MEIS2: variants seen among roughly 807,000 people sequenced by gnomAD.
The protein encoded by MEIS2 is Meis homeobox 2.
A neutral mutation model predicts 58.6 loss-of-function variants in MEIS2; 9 were observed. The ratio of observed to expected loss-of-function variants is 0.15; its 90% CI spans 0.09 to 0.27. The LOEUF (loss-of-function observed/expected upper bound fraction) is 0.27. Among genes scored for constraint, MEIS2 ranks in the 10% least tolerant of loss-of-function variants. MEIS2 has a pLI of 1.00. For missense variants in MEIS2, 427 were observed against 635.0 expected (o/e 0.67, Z 3.52); for synonymous variants, 221 against 228.4 (o/e 0.97, Z 0.29).
rs994423443 is a variant in MEIS2, at chr15:36,891,872, C to T, written c.*301G>A. 10 of 409,052 alleles carry T rather than the reference C, an allele frequency of 2.4e-5. No homozygotes were observed. Among genetic ancestry groups the T allele is most frequent in the African/African-American group, 1.3e-4 (6 of 47,632 alleles). 25.3% of individuals were successfully genotyped at this position (409,052 alleles called of 1,614,324 possible). A position where few individuals can be genotyped will look rare whatever the true frequency, so the allele number is the denominator to read the frequency against. ...TCTAAAACTATTTGAGGCAACATAA[C>T]GGCGTGATCAACAGAAATGTACAAG... On this transcript the variant is annotated 3_prime_UTR_variant, in exon 12 of 12. Transcript: ENST00000561208.
intron 9 of MEIS2, among the ~76,000 whole-genome samples, chr15:36,936,086 T>A (rs2058159055): frequency 6.6e-6 from 1 of 151,874 alleles, no homozygotes; most frequent in Non-Finnish European, 1.5e-5. Context: ...ATTCGATAAG[T>A]ATTAGGTGAG....
At chr15:36,963,316 T>G (rs892988429) in intron 8 of MEIS2, among the ~76,000 whole-genome samples, 7 of 151,408 alleles carry the variant, frequency 4.6e-5, no homozygotes, top group Non-Finnish European at 8.8e-5. Flanking sequence ...GGACGCAGAG[T>G]TTGCAGTGAG....
At chr15:37,060,553 T>C (rs930355781) in intron 7 of MEIS2, among the ~76,000 whole-genome samples, 1 of 152,056 alleles carries the variant, frequency 6.6e-6, no homozygotes, top group Non-Finnish European at 1.5e-5. Context: ...ATACGTTTCA[T>C]GGGGTGTTTG....
At chr15:37,002,469 A>C (rs369343327) in intron 8 of MEIS2, among the ~76,000 whole-genome samples, 128 of 152,272 alleles carry the variant, frequency 8.4e-4, no homozygotes, top group African/African-American at 2.7e-3. Context: ...ACATGTGTTT[A>C]AATTTCTTGA....
intron 8 of MEIS2, among the ~76,000 whole-genome samples, chr15:37,026,228 A>C (rs976149157): frequency 6.6e-6 from 1 of 152,186 alleles, no homozygotes; most frequent in Non-Finnish European, 1.5e-5. Context: ...TCTAGCATTC[A>C]TCTTTTCTAT....
At chr15:36,940,440 T>C (rs937225899) in intron 9 of MEIS2, among the ~76,000 whole-genome samples, 1 of 152,122 alleles carries the variant, frequency 6.6e-6, no homozygotes, top group African/African-American at 2.4e-5. Context: ...CCATTAAAAA[T>C]AGAATCCAGG....
intron 9 of MEIS2, among the ~76,000 whole-genome samples, chr15:36,912,824 C>G (rs764270278): frequency 2.2e-4 from 32 of 144,556 alleles, no homozygotes; most frequent in Admixed American, 2.8e-4. Flanking sequence ...ACTCACCCCC[C>G]ACTCCTGAAA....
intron 3 of MEIS2, 30 bp downstream of exon 3, chr15:37,096,259 C>G: frequency 6.4e-7 from 1 of 1,562,744 alleles, no homozygotes; most frequent in South Asian, 1.2e-5. Flanking sequence ...GAGGGACTGC[C>G]CGAAGTTGAG....
At chr15:37,068,060 T>G (rs540391362) in intron 7 of MEIS2, among the ~76,000 whole-genome samples, 87 of 152,250 alleles carry the variant, frequency 5.7e-4, no homozygotes, top group African/African-American at 2.0e-3. Context: ...CTCACACCAT[T>G]TCTATGAGAC....
chr15:36,997,494 T>A (rs1376957761), intron 8 of MEIS2, among the ~76,000 whole-genome samples: 1 of 151,506 alleles, frequency 6.6e-6, no homozygotes, highest in Admixed American at 6.6e-5. Flanking sequence ...TCTCTCTTTT[T>A]TTTTTTTTTT....
Position 36,995,896 on chromosome 15 carries a change from T to C in MEIS2, c.900+40918A>G, listed in dbSNP as rs959380318. On this transcript the variant is annotated intron_variant, in intron 8 of 11. Coordinates refer to ENST00000561208, the MANE Select transcript of MEIS2 (RefSeq NM_170675.5). ...ATCTTTGTATTATTATTTTTCATTA[T>C]CCATTCTGAAGTTAGGTTTCTCAGA... 2.7e-5 allele frequency among the ~76,000 whole-genome samples: 4 copies of C among 145,698 alleles called. No homozygotes were observed. In the Admixed American group the frequency reaches 2.8e-4, roughly 10 times the overall value.
intron 9 of MEIS2, among the ~76,000 whole-genome samples, chr15:36,939,408 C>T (rs1011456204): frequency 6.6e-6 from 1 of 152,194 alleles, no homozygotes; most frequent in African/African-American, 2.4e-5. Context: ...GGCTGTCACT[C>T]ATAAAACACA....
intron 7 of MEIS2, among the ~76,000 whole-genome samples, chr15:37,056,595 G>A (rs1194266826): frequency 1.3e-5 from 2 of 152,178 alleles, no homozygotes; most frequent in Non-Finnish European, 2.9e-5. Flanking sequence ...CCGGAGGCAG[G>A]GAACAAAGCG....
In MEIS2 at chr15:36,889,734, T is replaced by G. The variant is rs1437478372; in HGVS notation, c.*2439A>C. ...AAAAGGTTCTTTTTCCCACCTGATGTGAGAGTTGATTTATAATGGGGAATT... is the reference window on the plus strand; with the variant it reads ...AAAAGGTTCTTTTTCCCACCTGATGGGAGAGTTGATTTATAATGGGGAATT... On this transcript the variant is annotated 3_prime_UTR_variant, in exon 12 of 12. Coordinates refer to ENST00000561208, the MANE Select transcript of MEIS2 (RefSeq NM_170675.5). 1.3e-5 allele frequency: 2 copies of G among 152,156 alleles called. No homozygotes were observed. Among genetic ancestry groups the G allele is most frequent in the Non-Finnish European group, 2.9e-5 (2 of 68,030 alleles). 9.4% of individuals were successfully genotyped at this position (152,156 alleles called of 1,614,324 possible).
At chr15:36,993,629 T>C (rs1476520382) in intron 8 of MEIS2, among the ~76,000 whole-genome samples, 1 of 152,212 alleles carries the variant, frequency 6.6e-6, no homozygotes, top group African/African-American at 2.4e-5. Context: ...TATTAAAATA[T>C]AAAGGCTGTG....
Position 36,952,607 on chromosome 15 carries a change from C to CTCTGTGTGTGTGTGTGTG in MEIS2, c.901-2208_901-2207insCACACACACACACACAGA, listed in dbSNP as rs1490440825. Among the ~76,000 whole-genome samples, 395 of 140,060 alleles carry CTCTGTGTGTGTGTGTGTG rather than the reference C, an allele frequency of 2.8e-3. 1 individual carries two copies. The highest frequency in any genetic ancestry group is 4.8e-3 in the Non-Finnish European group (313 of 64,844). The allele number at this position is 140,060 out of a possible 152,430, so 91.9% of individuals were successfully genotyped here. On this transcript the variant is annotated intron_variant, in intron 8 of 11. Coordinates refer to ENST00000561208, the MANE Select transcript of MEIS2 (RefSeq NM_170675.5). ...AGAGTCTGTCTGTCTGTCTCTCTCT[C>CTCTGTGTGTGTGTGTGTG]TGTGTGTGTGTGTGTGTGTGTGTGT...
chr15:36,946,422 G>GAA (rs200972390), intron 9 of MEIS2, among the ~76,000 whole-genome samples: 23 of 71,494 alleles, frequency 3.2e-4, no homozygotes, highest in Middle Eastern at 6.5e-3. Context: ...AAGAACTGTA[G>GAA]AAAAAAAAAA....
intron 7 of MEIS2, among the ~76,000 whole-genome samples, chr15:37,037,946 CG>C (rs1489624410): frequency 6.6e-6 from 1 of 152,132 alleles, no homozygotes; most frequent in Non-Finnish European, 1.5e-5. Context: ...ATGAAGAATA[CG>C]GGGACAGCAC....
chr15:36,992,790 G>C (rs919750915), intron 8 of MEIS2, among the ~76,000 whole-genome samples: 7 of 151,952 alleles, frequency 4.6e-5, no homozygotes, highest in Admixed American at 3.9e-4. Context: ...ATGAGGAAGA[G>C]GGGGAGAGAA....
Sources: allele counts gnomAD v4.1 joint callset (sites outside exome capture counted in the v4.1 genomes callset), GRCh38; gene constraint gnomAD v4.1.1; transcripts MANE v1.5; gene names NCBI Gene and HGNC (gene_info 2026-07-23, HGNC 2026-07-21).